Variants in KCNH1 observed in about 807,000 individuals in gnomAD.
The protein encoded by KCNH1 is potassium voltage-gated channel subfamily H member 1.
Under a neutral mutation model 69.2 loss-of-function variants are expected in KCNH1, and 27 were observed. That is an observed-to-expected ratio of 0.39 (90% CI 0.29 to 0.54). The LOEUF (loss-of-function observed/expected upper bound fraction) is 0.54, where lower values mean the gene tolerates loss of function less well. Among genes scored for constraint, KCNH1 ranks in the 20% least tolerant of loss-of-function variants. The probability of loss-of-function intolerance (pLI) is 0.68; values close to 1 mark genes in which losing one functional copy is unlikely to be tolerated. For synonymous variants in KCNH1, 456 were observed against 487.7 expected (o/e 0.93, Z 0.86); for missense variants, 798 against 1,261.6 (o/e 0.63, Z 5.57).
intron 1 of KCNH1, among the ~76,000 whole-genome samples, 183 bp from the exon 2 acceptor site, chr1:211,107,560 C>T (rs1691378438): frequency 6.6e-6 from 1 of 152,100 alleles, no homozygotes; most frequent in South Asian, 2.1e-4. Context: ...AAGTGAATAT[C>T]TTGAATGCAA....
chr1:210,837,022 G>T (rs900706967), intron 7 of KCNH1, among the ~76,000 whole-genome samples: 1 of 152,136 alleles, frequency 6.6e-6, no homozygotes, highest in Non-Finnish European at 1.5e-5. Flanking sequence ...AGTCAGCAGT[G>T]CTTACCATGA....
rs958675533 is a variant in KCNH1 at position 210,815,232 on chromosome 1, C to A, written c.1463-11066G>T. On this transcript the variant is annotated intron_variant, in intron 7 of 10. Coordinates refer to ENST00000271751, the MANE Select transcript of KCNH1 (RefSeq NM_172362.3). ...TGAGAAACACTGGTTTATGCTATAC[C>A]AATAAATACTCAGTACTTCCCTAAT... Among the ~76,000 whole-genome samples the A allele has an allele frequency of 1.2e-4, 19 of 152,122 alleles. 1 individual carries two copies. Among genetic ancestry groups the A allele is most frequent in the Non-Finnish European group, 1.0e-4 (7 of 68,028 alleles).
At chr1:210,754,289 C>T (rs1683346983) in intron 10 of KCNH1, among the ~76,000 whole-genome samples, 1 of 152,156 alleles carries the variant, frequency 6.6e-6, no homozygotes, top group Non-Finnish European at 1.5e-5. Context: ...GACCTGAAAA[C>T]ACCACCATCT....
intron 5 of KCNH1, among the ~76,000 whole-genome samples, chr1:211,047,727 T>C (rs913149479): frequency 6.6e-6 from 1 of 152,174 alleles, no homozygotes; most frequent in Non-Finnish European, 1.5e-5. Flanking sequence ...CAAAAACTAA[T>C]ACTTATGTCA....
chr1:210,868,473 G>A (rs10863866), intron 7 of KCNH1, among the ~76,000 whole-genome samples: 24,305 of 151,426 alleles, frequency 0.16, 2,539 homozygotes, highest in East Asian at 0.44. Flanking sequence ...AGAAATCTTC[G>A]CATATGCCAA....
intron 10 of KCNH1, among the ~76,000 whole-genome samples, chr1:210,697,715 G>A (rs563539196): frequency 1.3e-5 from 2 of 152,226 alleles, no homozygotes; most frequent in Non-Finnish European, 2.9e-5. Flanking sequence ...CAGGGCTCAG[G>A]GACTAGTGGC....
chr1:210,848,442 C>G (rs1210207286), intron 7 of KCNH1, among the ~76,000 whole-genome samples: 1 of 152,192 alleles, frequency 6.6e-6, no homozygotes. Flanking sequence ...TCCATGTTAA[C>G]AATCTACGTT....
chr1:210,713,756 G>A (rs574940468), intron 10 of KCNH1, among the ~76,000 whole-genome samples: 99 of 152,222 alleles, frequency 6.5e-4, no homozygotes, highest in Admixed American at 3.3e-4. Context: ...CCTGGAAGCC[G>A]TTCCATATAT....
intron 6 of KCNH1, among the ~76,000 whole-genome samples, chr1:211,000,051 A>G (rs910103854): frequency 6.6e-6 from 1 of 152,240 alleles, no homozygotes; most frequent in Non-Finnish European, 1.5e-5. Flanking sequence ...CCCACAGCCA[A>G]TATCATACTG....
At chr1:210,800,449 C>T (rs184782343) in intron 8 of KCNH1, among the ~76,000 whole-genome samples, 19 of 152,272 alleles carry the variant, frequency 1.2e-4, no homozygotes, top group Admixed American at 2.6e-4. Context: ...TTTACTCTTC[C>T]CCTGGAAGAG....
chr1:210,922,383 C>CAAAAAAAAAAAAAAAAA (rs758026291), intron 6 of KCNH1, among the ~76,000 whole-genome samples: 1 of 98,320 alleles, frequency 1.0e-5, no homozygotes, highest in Non-Finnish European at 2.1e-5. Flanking sequence ...GACTCCGTCT[C>CAAAAAAAAAAAAAAAAA]AAAAAAAAAA....
chr1:211,035,236 C>CTTCTTTTTT (rs1689873312), intron 5 of KCNH1, among the ~76,000 whole-genome samples: 3 of 75,050 alleles, frequency 4.0e-5, no homozygotes, highest in African/African-American at 1.7e-4. Context: ...TACTGGCATT[C>CTTCTTTTTT]TTTTTTTTTT....
At chr1:211,016,473 C>A (rs1029569825) in intron 6 of KCNH1, among the ~76,000 whole-genome samples, 2 of 152,160 alleles carry the variant, frequency 1.3e-5, no homozygotes, top group East Asian at 3.8e-4. Context: ...AGCTAAATTT[C>A]ACTTTCCATA....
chr1:210,784,978 T>C (rs555876810), intron 9 of KCNH1, among the ~76,000 whole-genome samples: 3 of 152,310 alleles, frequency 2.0e-5, no homozygotes, highest in East Asian at 1.9e-4. Flanking sequence ...AACCTGGCCT[T>C]ACCTATCATG....
chr1:210,734,568 C>A (rs536859998), intron 10 of KCNH1, among the ~76,000 whole-genome samples: 4 of 152,242 alleles, frequency 2.6e-5, no homozygotes, highest in Admixed American at 6.5e-5. Flanking sequence ...CACCCCCCAC[C>A]AAAACCTTTG....
chr1:210,705,380 A>G (rs1681883548), intron 10 of KCNH1, among the ~76,000 whole-genome samples: 1 of 152,178 alleles, frequency 6.6e-6, no homozygotes, highest in Admixed American at 6.5e-5. Flanking sequence ...AGTGTAACAC[A>G]TGGAGGTCAG....
intron 10 of KCNH1, among the ~76,000 whole-genome samples, chr1:210,717,042 C>T (rs573878565): frequency 1.5e-4 from 23 of 152,272 alleles, no homozygotes; most frequent in Middle Eastern, 3.4e-3. Flanking sequence ...TCTTCTATTT[C>T]ACCACATACT....
intron 7 of KCNH1, among the ~76,000 whole-genome samples, chr1:210,834,924 A>G (rs901090795): frequency 2.0e-5 from 3 of 152,052 alleles, no homozygotes; most frequent in Admixed American, 6.6e-5. Flanking sequence ...ATAAATTTCT[A>G]TTGTTTGCTA....
chr1:210,957,950 G>C (rs1688211301), intron 6 of KCNH1, among the ~76,000 whole-genome samples: 1 of 152,186 alleles, frequency 6.6e-6, no homozygotes, highest in African/African-American at 2.4e-5. Context: ...ATTTGATCCT[G>C]TCATTATGAT....
Sources: gnomAD v4.1 joint callset for allele counts (sites outside exome capture counted in the v4.1 genomes callset) on GRCh38, gnomAD v4.1.1 for gene constraint, MANE v1.5 for transcripts, NCBI Gene and HGNC (gene_info 2026-07-23, HGNC 2026-07-21) for gene names.